Variants in SDC1 observed in about 807,000 individuals in gnomAD.
SDC1 encodes the protein syndecan-1.
SDC1 carries 14 observed loss-of-function variants against 29.7 expected under a neutral mutation model. That is an observed-to-expected ratio of 0.47 (90% CI 0.31 to 0.74). The LOEUF (loss-of-function observed/expected upper bound fraction) is 0.74, where lower values mean the gene tolerates loss of function less well. Among genes scored for constraint, SDC1 ranks in the 30% least tolerant of loss-of-function variants. The pLI is 0.05. For synonymous variants in SDC1, 204 were observed against 175.5 expected, an observed-to-expected ratio of 1.16 and a Z score of -1.29; for missense variants, 406 against 400.3, an observed-to-expected ratio of 1.01 and a Z score of -0.12.
chr2:20,219,001 T>C (rs1419230202), intron 1 of SDC1, among the ~76,000 whole-genome samples: 1 of 152,080 alleles, frequency 6.6e-6, no homozygotes, highest in African/African-American at 2.4e-5. Context: ...GGGCTCCCAG[T>C]GGGGAGAGGA....
At position 20,203,124 on chromosome 2, in the gene SDC1, G is replaced by C. The variant is rs1191275671; in HGVS notation, c.726C>G (p.Ala242=). ...CTTTCCTGTCCAGGAGGCCCTGTGA[G>C]GCCCCCGTGGCCCCCTGATCCACTG... ...QSPVDQGATG[A]SQGLLDRKEV... Residue 242 remains alanine (A), a synonymous_variant, in exon 4 of 5, where the codon GCC becomes GCG. Transcript: ENST00000254351. 1 of 1,611,844 alleles carries C rather than the reference G, an allele frequency of 6.2e-7. No individual in the cohort carries two copies. The highest frequency in any genetic ancestry group is 1.3e-5 in the African/African-American group (1 of 74,900).
chr2:20,206,560 C>T (rs376880175), intron 1 of SDC1, among the ~76,000 whole-genome samples: 1 of 152,258 alleles, frequency 6.6e-6, no homozygotes, highest in African/African-American at 2.4e-5. Context: ...TATTCACCTG[C>T]GAGACTTAGA....
chr2:20,213,776 C>T (rs1207499836), intron 1 of SDC1, among the ~76,000 whole-genome samples: 1 of 152,240 alleles, frequency 6.6e-6, no homozygotes, highest in Non-Finnish European at 1.5e-5. Context: ...AGATGGACTT[C>T]TAGGGACATC....
intron 1 of SDC1, among the ~76,000 whole-genome samples, chr2:20,220,159 G>T (rs910479396): frequency 1.3e-5 from 2 of 152,182 alleles, no homozygotes; most frequent in Non-Finnish European, 1.5e-5. Flanking sequence ...ACCCAACCCA[G>T]TGTTGTTTGC....
intron 1 of SDC1, chr2:20,207,989 C>A (rs1388128905): frequency 1.0e-6 from 1 of 985,350 alleles, no homozygotes; most frequent in African/African-American, 1.7e-5. Context: ...GCACCGCCTC[C>A]CCCAAGAGAA....
chr2:20,215,858 G>A (rs1012139917), intron 1 of SDC1, among the ~76,000 whole-genome samples: 6 of 151,470 alleles, frequency 4.0e-5, no homozygotes, highest in Non-Finnish European at 5.9e-5. Context: ...AGCCCGAGCC[G>A]GGACTAACCA....
At position 20,224,173 on chromosome 2, in the gene SDC1, C is replaced by G. The variant is rs755992434; in HGVS notation, c.66+629G>C. 2.3e-6 allele frequency: 1 copy of G among 426,750 alleles called. No individual in the cohort carries two copies. The highest frequency in any genetic ancestry group is 1.6e-5 in the South Asian group (1 of 62,674). 26.4% of individuals were successfully genotyped at this position (426,750 alleles called of 1,614,324 possible). ...CCAACTTCCCGGAACCTCCCGCTGC[C>G]GGGCCGGCTCAGCTCACCTCGAGCC... is the stretch of plus-strand genomic sequence containing the variant. On this transcript the variant is annotated intron_variant, in intron 1 of 4. Transcript: ENST00000254351. This position sits in a 1 kb window ranked among gnomAD's most constrained non-coding sequence, Gnocchi z 4.9.
At chr2:20,209,555 C>A (rs1241577633) in intron 1 of SDC1, among the ~76,000 whole-genome samples, 1 of 152,234 alleles carries the variant, frequency 6.6e-6, no homozygotes, top group African/African-American at 2.4e-5. Flanking sequence ...TGGCGTAGAC[C>A]AGAACGGGAC....
intron 1 of SDC1, among the ~76,000 whole-genome samples, chr2:20,210,414 A>AG (rs1677426156): frequency 6.6e-6 from 1 of 152,088 alleles, no homozygotes; most frequent in African/African-American, 2.4e-5. Context: ...AAAAAGGGGG[A>AG]GCTTCAGAGG....
Position 20,203,126 on chromosome 2 carries a change from C to T in SDC1, c.724G>A (p.Ala242Thr), listed in dbSNP as rs769667470. The change falls in exon 4 of 5, where the codon GCC (alanine) becomes ACC (threonine). Residue 242 changes from alanine (A) to threonine (T), a missense_variant. Physicochemically the swap from Ala to Thr is moderately conservative, Grantham distance 58. Coordinates refer to ENST00000254351, the MANE Select transcript of SDC1 (RefSeq NM_002997.5). The stretch of plus-strand genomic sequence containing the variant: ...TTCCTGTCCAGGAGGCCCTGTGAGG[C>T]CCCCGTGGCCCCCTGATCCACTGGG... ...QSPVDQGATGASQGLLDRKEV... is the reference protein window; with the variant it reads ...QSPVDQGATGTSQGLLDRKEV... 16 of 1,611,636 alleles carry T rather than the reference C, an allele frequency of 9.9e-6. No individual in the cohort carries two copies. Among genetic ancestry groups the T allele is most frequent in the African/African-American group, 1.3e-5 (1 of 74,902 alleles).
At chr2:20,203,333 C>G in intron 3 of SDC1, 111 bp from the exon 4 acceptor site, 1 of 1,281,714 alleles carries the variant, frequency 7.8e-7, no homozygotes. Flanking sequence ...TTGCCACCAC[C>G]CACTCAGATG....
intron 1 of SDC1, among the ~76,000 whole-genome samples, chr2:20,214,177 C>T (rs543197439): frequency 6.6e-6 from 1 of 152,320 alleles, no homozygotes; most frequent in South Asian, 2.1e-4. Flanking sequence ...CCAACAATGC[C>T]ATACCCAGGA....
At position 20,203,091 on chromosome 2, in the gene SDC1, C is replaced by T. The variant is rs1265788730; in HGVS notation, c.759G>A (p.Leu253=). The change falls in exon 4 of 5, where the codon CTG becomes CTA. Residue 253 remains leucine (L), a synonymous_variant. Coordinates refer to ENST00000254351, the MANE Select transcript of SDC1 (RefSeq NM_002997.5). ...CCCCCCTGAAAGAAAACTCACCTCC[C>T]AGCACCTCTTTCCTGTCCAGGAGGC... The part of the protein sequence containing the change: ...SQGLLDRKEV[L]GGVIAGGLVG... 1.9e-6 allele frequency: 3 copies of T among 1,602,552 alleles called. No individual in the cohort carries two copies. Among genetic ancestry groups the T allele is most frequent in the East Asian group, 2.2e-5 (1 of 44,554 alleles).
intron 1 of SDC1, 126 bp from the exon 2 acceptor site, chr2:20,205,550 C>T (rs1572461883): frequency 4.1e-6 from 3 of 730,696 alleles, no homozygotes; most frequent in East Asian, 5.4e-5. Flanking sequence ...AGGGAGAAGC[C>T]TTCTCATGTG....
At position 20,201,916 on chromosome 2, in the gene SDC1, G is replaced by A. The variant is rs924134258; in HGVS notation, c.*850C>T. On this transcript the variant is annotated 3_prime_UTR_variant, in exon 5 of 5. Transcript: ENST00000254351. ...GCCCTGAGCGCATGGACACAGGCAC[G>A]ACTGCTTGAAAGAGGCGGCGGCCCC... The A allele has an allele frequency of 1.2e-5, 3 of 240,912 alleles. No individual in the cohort carries two copies. The highest frequency in any genetic ancestry group is 1.5e-4 in the South Asian group (2 of 13,424). 14.9% of individuals were successfully genotyped at this position (240,912 alleles called of 1,614,324 possible).
intron 1 of SDC1, among the ~76,000 whole-genome samples, chr2:20,220,335 T>A (rs1186875207): frequency 6.6e-6 from 1 of 152,134 alleles, no homozygotes; most frequent in Non-Finnish European, 1.5e-5. Flanking sequence ...AGTCTTGCGA[T>A]GTATTCACAC....
At position 20,202,333 on chromosome 2, in the gene SDC1, C is replaced by A. The variant is rs747557289; in HGVS notation, c.*433G>T. 141 of 773,244 alleles carry A rather than the reference C, an allele frequency of 1.8e-4. No homozygotes were observed. In the South Asian group the frequency reaches 1.9e-3, roughly 10 times the overall value. 47.9% of individuals were successfully genotyped at this position (773,244 alleles called of 1,614,324 possible). On this transcript the variant is annotated 3_prime_UTR_variant, in exon 5 of 5. Transcript: ENST00000254351. ...TCCCCTGCCACTCAGCGGCCACCCCCCCAAGATGCTTGGTCCTACCAGTAA... is the reference window on the plus strand; with the variant it reads ...TCCCCTGCCACTCAGCGGCCACCCCACCAAGATGCTTGGTCCTACCAGTAA...
At chr2:20,221,809 C>CCA in intron 1 of SDC1, among the ~76,000 whole-genome samples, 1 of 152,254 alleles carries the variant, frequency 6.6e-6, no homozygotes, top group East Asian at 1.9e-4. Flanking sequence ...CCATCATGAG[C>CCA]CACAGGTAGA....
chr2:20,203,257 G>A (rs1434259304), intron 3 of SDC1, 35 bp from the exon 4 acceptor site: 2 of 1,572,200 alleles, frequency 1.3e-6, no homozygotes, highest in South Asian at 2.3e-5. Context: ...GGTTGGCCAG[G>A]TCACCGCCAG....
Sources: allele counts gnomAD v4.1 joint callset (sites outside exome capture counted in the v4.1 genomes callset), GRCh38; gene constraint gnomAD v4.1.1; non-coding constraint Gnocchi (gnomAD v3.1); transcripts MANE v1.5; gene names NCBI Gene and HGNC (gene_info 2026-07-23, HGNC 2026-07-21).